The following ZNF35 variants were observed in gnomAD, a reference collection of about 807,000 sequenced individuals.
ZNF35 encodes the protein zinc finger protein 35 (clone HF.10).
A neutral mutation model predicts 45.9 loss-of-function variants in ZNF35; 31 were observed. The observed-to-expected ratio is 0.68, with a 90% CI of 0.51 to 0.91. The LOEUF is 0.91. ZNF35 is among the 40% of genes least tolerant of loss of function. The pLI, the probability that ZNF35 is intolerant of heterozygous loss-of-function variation, is 0.00. For synonymous variants in ZNF35, 205 were observed against 220.2 expected (o/e 0.93, Z 0.61); for missense variants, 515 against 625.4 (o/e 0.82, Z 1.88).
upstream of ZNF35, chr3:44,646,669 A>C (rs1190678280): frequency 1.6e-5 from 10 of 615,390 alleles, no homozygotes; most frequent in East Asian, 2.8e-4. Flanking sequence ...TGAGTTTATT[A>C]TACCATTCTC....
At chr3:44,652,034 C>T (rs1703212623) in intron 2 of ZNF35, among the ~76,000 whole-genome samples, 1 of 152,060 alleles carries the variant, frequency 6.6e-6, no homozygotes, top group Non-Finnish European at 1.5e-5. Context: ...GTCTGAGATT[C>T]TGTGTTCTTT....
chr3:44,650,944 G>T lies in ZNF35; in HGVS notation c.-124G>T, dbSNP rs1247356405. 7 of 901,086 alleles carry T rather than the reference G, an allele frequency of 7.8e-6. No homozygotes were observed. The highest frequency in any genetic ancestry group is 1.2e-5 in the Non-Finnish European group (7 of 603,264). 55.8% of individuals were successfully genotyped at this position (901,086 alleles called of 1,614,324 possible). A position where few individuals can be genotyped will look rare whatever the true frequency, so the allele number is the denominator to read the frequency against. The stretch of plus-strand genomic sequence containing the variant: ...ACAGTGTTTTCTGATTTCTCAGTAG[G>T]CAGTACTCATCTTGGCCCTGGGAAG... On this transcript the variant is annotated 5_prime_UTR_variant, in exon 2 of 4. Coordinates refer to ENST00000396056, the MANE Select transcript of ZNF35 (RefSeq NM_003420.4).
intron 3 of ZNF35, among the ~76,000 whole-genome samples, chr3:44,654,342 G>A (rs1423696884): frequency 1.3e-5 from 2 of 152,200 alleles, no homozygotes; most frequent in African/African-American, 2.4e-5. Context: ...AGATATCTGA[G>A]TGGGGTTGCT....
At chr3:44,648,678 T>C (rs1363798375), upstream of ZNF35, 2 of 152,134 alleles carry the variant, frequency 1.3e-5, no homozygotes, top group Non-Finnish European at 2.9e-5. Flanking sequence ...CCGAGGTTCC[T>C]AGAGAGGCCG....
At position 44,649,410 on chromosome 3, in the gene ZNF35, G is replaced by A. The variant is rs115790671; in HGVS notation, c.-128+576G>A. On this transcript the variant is annotated intron_variant, in intron 1 of 3. Transcript: ENST00000396056. Reference sequence around the variant, plus strand: ...CCAGTAAGTTGACATGGGGAAAAGAGTATGATCACTTCAATAGCAGCAACA... The same window carrying A: ...CCAGTAAGTTGACATGGGGAAAAGAATATGATCACTTCAATAGCAGCAACA... Among the ~76,000 whole-genome samples, 1,344 of 152,338 alleles carry A rather than the reference G, an allele frequency of 8.8e-3. 22 individuals carry two copies. The highest frequency in any genetic ancestry group is 0.031 in the African/African-American group (1,285 of 41,572).
At position 44,659,884 on chromosome 3, in the gene ZNF35, T is replaced by C. The variant is rs149618629; in HGVS notation, c.1521T>C (p.Cys507=). Residue 507 remains cysteine (C), a synonymous_variant, in exon 4 of 4, where the codon TGT becomes TGC. Coordinates refer to ENST00000396056, the MANE Select transcript of ZNF35 (RefSeq NM_003420.4). This position sits in a 1 kb window ranked among gnomAD's most constrained non-coding sequence, Gnocchi z 4.3. ...TGEKPYECEK[C]GAAFISNSHL... ...AGAAGCCCTATGAATGTGAGAAGTG[T>C]GGTGCAGCTTTCATTTCCAACTCAC... 1.7e-5 allele frequency: 28 copies of C among 1,602,466 alleles called. No individual in the cohort carries two copies. Among genetic ancestry groups the C allele is most frequent in the Middle Eastern group, 3.3e-4 (2 of 6,018 alleles).
At position 44,660,709 on chromosome 3, in the gene ZNF35, A is replaced by C. The variant is rs1420170629; in HGVS notation, c.*762A>C. ...AACTCAAGCCCCCAATTCCCATCGC[A>C]TTCCATTTGGGTGAGATGCAACTAA... On this transcript the variant is annotated 3_prime_UTR_variant, in exon 4 of 4. Coordinates refer to ENST00000396056, the MANE Select transcript of ZNF35 (RefSeq NM_003420.4). 6.6e-6 allele frequency: 1 copy of C among 152,234 alleles called. No homozygotes were observed. Among genetic ancestry groups the C allele is most frequent in the African/African-American group, 2.4e-5 (1 of 41,450 alleles). The allele number at this position is 152,234 out of a possible 1,614,324, so 9.4% of individuals were successfully genotyped here.
intron 1 of ZNF35, among the ~76,000 whole-genome samples, chr3:44,650,643 G>T (rs565993833): frequency 2.0e-5 from 3 of 152,286 alleles, no homozygotes; most frequent in South Asian, 4.1e-4. Context: ...AGACCGAGAT[G>T]ATTTTTCTTA....
At chr3:44,652,388 T>C (rs1170924309) in intron 2 of ZNF35, among the ~76,000 whole-genome samples, 169 bp from the exon 3 acceptor site, 1 of 152,230 alleles carries the variant, frequency 6.6e-6, no homozygotes, top group Non-Finnish European at 1.5e-5. Context: ...AGCTTGTTTC[T>C]CTGCCCAACT....
At chr3:44,654,359 C>T (rs1178147406) in intron 3 of ZNF35, among the ~76,000 whole-genome samples, 1 of 152,166 alleles carries the variant, frequency 6.6e-6, no homozygotes, top group Admixed American at 6.5e-5. Context: ...TGCTGCCCTG[C>T]CTGTAATAAC....
At chr3:44,655,648 G>T (rs1286541339) in intron 3 of ZNF35, among the ~76,000 whole-genome samples, 1 of 152,150 alleles carries the variant, frequency 6.6e-6, no homozygotes, top group Non-Finnish European at 1.5e-5. Context: ...TTTACCCAAA[G>T]AAATTTGAAC....
rs1187798132 is a variant in ZNF35, at chr3:44,651,276, G to A, written c.192+17G>A. 1.9e-6 allele frequency: 3 copies of A among 1,608,324 alleles called. No individual in the cohort carries two copies. The highest frequency in any genetic ancestry group is 3.4e-5 in the Admixed American group (2 of 58,578). On this transcript the variant is annotated intron_variant, in intron 2 of 3. Coordinates refer to ENST00000396056, the MANE Select transcript of ZNF35 (RefSeq NM_003420.4). ...GAAGAAAAGGTAAACGGGGGCCTGA[G>A]AGGAAGAGGGGAGGAGATACTTGAA...
intron 3 of ZNF35, among the ~76,000 whole-genome samples, chr3:44,656,080 T>C (rs1246013371): frequency 6.6e-6 from 1 of 151,340 alleles, no homozygotes; most frequent in East Asian, 1.9e-4. Flanking sequence ...GGGAGGAGAA[T>C]AAAGTGGGAT....
intron 1 of ZNF35, 115 bp from the exon 2 acceptor site, chr3:44,650,826 A>G (rs1183833902): frequency 2.3e-6 from 1 of 441,418 alleles, no homozygotes; most frequent in Non-Finnish European, 4.0e-6. Context: ...TCCATGTCCT[A>G]CATTGGCCCC....
Position 44,659,159 on chromosome 3 carries a change from GT to G in ZNF35, c.798del (p.Val267CysfsTer27). ...GKAFIQSANL[V>X]VHQRIHTGQK... Reference sequence around the variant, plus strand: ...GGCCTTCATTCAGAGTGCAAACCTCGTTGTGCATCAGAGAATCCACACTGGA... The same window carrying G: ...GGCCTTCATTCAGAGTGCAAACCTCGTGTGCATCAGAGAATCCACACTGGA... On this transcript the variant is annotated frameshift_variant, in exon 4 of 4. Coordinates refer to ENST00000396056, the MANE Select transcript of ZNF35 (RefSeq NM_003420.4). LOFTEE classifies it high-confidence loss of function. This position sits in a 1 kb window ranked among gnomAD's most constrained non-coding sequence, Gnocchi z 4.3. 6.2e-7 allele frequency: 1 copy of G among 1,613,632 alleles called. No homozygotes were observed. Among genetic ancestry groups the G allele is most frequent in the Non-Finnish European group, 8.5e-7 (1 of 1,179,866 alleles).
intron 1 of ZNF35, 37 bp from the exon 2 acceptor site, chr3:44,650,904 C>T (rs1703190394): frequency 4.5e-6 from 3 of 670,692 alleles, no homozygotes; most frequent in East Asian, 6.1e-5. Flanking sequence ...TCCAGCAAAT[C>T]TCTCCTTGGT....
At position 44,652,555 on chromosome 3, in the gene ZNF35, A is replaced by G; in HGVS notation, c.193-2A>G. 6 of 1,578,168 alleles carry G rather than the reference A, an allele frequency of 3.8e-6. No homozygotes were observed. The highest frequency in any genetic ancestry group is 5.2e-6 in the Non-Finnish European group (6 of 1,163,626). ...CTTAAACATGTGCCTGCTTGTCTCT[A>G]GGGTCAGAACATATCCTGGGATATG... On this transcript the variant is annotated splice_acceptor_variant, in intron 2 of 3. Coordinates refer to ENST00000396056, the MANE Select transcript of ZNF35 (RefSeq NM_003420.4). LOFTEE classifies it high-confidence loss of function.
rs1399627066 is a variant in ZNF35 at position 44,659,691 on chromosome 3, A to G, written c.1328A>G (p.Asp443Gly). ...LIVHQRIHSG[D>G]LPYVCNECGK... ...GTCCACCAGAGAATTCACAGTGGAG[A>G]TCTTCCTTACGTGTGTAATGAATGT... The change falls in exon 4 of 4, where the codon GAT becomes GGT. Residue 443 changes from aspartate to glycine, a missense_variant. By Grantham distance (94) the Asp-to-Gly change is moderately conservative. This residue lies in a region of ZNF35 where 232 missense variants were observed against 304.6 expected (regional missense o/e 0.76). Coordinates refer to ENST00000396056, the MANE Select transcript of ZNF35 (RefSeq NM_003420.4). This position sits in a 1 kb window ranked among gnomAD's most constrained non-coding sequence, Gnocchi z 4.3. 1 of 1,614,222 alleles carries G rather than the reference A, an allele frequency of 6.2e-7. No homozygotes were observed. Among genetic ancestry groups the G allele is most frequent in the Non-Finnish European group, 8.5e-7 (1 of 1,180,040 alleles).
chr3:44,653,243 G>C lies in ZNF35; in HGVS notation c.337+542G>C, dbSNP rs1234796624. Among the ~76,000 whole-genome samples the C allele has an allele frequency of 2.0e-5, 3 of 152,172 alleles. No homozygotes were observed. In the East Asian group the frequency reaches 5.8e-4, roughly 29 times the overall value. ...TTTAAGGCCCGCATTCCACTGAAAG[G>C]GGTGGGGAATGGATAAGGAATGGAT... On this transcript the variant is annotated intron_variant, in intron 3 of 3. Transcript: ENST00000396056.
Sources: allele counts gnomAD v4.1 joint callset (sites outside exome capture counted in the v4.1 genomes callset), GRCh38; gene constraint gnomAD v4.1.1; regional missense constraint gnomAD v4.1.1; non-coding constraint Gnocchi (gnomAD v3.1); transcripts MANE v1.5; gene names NCBI Gene and HGNC (gene_info 2026-07-23, HGNC 2026-07-21).